SMYD3: variants seen among roughly 807,000 people sequenced by gnomAD.
The protein encoded by SMYD3 is histone-lysine N-methyltransferase SMYD3.
SMYD3 carries 36 observed loss-of-function variants against 57.7 expected under a neutral mutation model. The ratio of observed to expected loss-of-function variants is 0.62; its 90% CI spans 0.48 to 0.82. The LOEUF (loss-of-function observed/expected upper bound fraction) is 0.82. Ranked by LOEUF, SMYD3 falls within the 40% of genes least tolerant of loss-of-function variation. SMYD3 has a pLI of 0.00. For missense variants in SMYD3, 515 were observed against 538.8 expected, an observed-to-expected ratio of 0.96 and a Z score of 0.44; for synonymous variants, 211 against 195.0, an observed-to-expected ratio of 1.08 and a Z score of -0.68.
chr1:246,211,496 TACC>T (rs956752003), intron 5 of SMYD3, among the ~76,000 whole-genome samples: 4 of 152,176 alleles, frequency 2.6e-5, no homozygotes, highest in Non-Finnish European at 5.9e-5. Flanking sequence ...TCTCCACTGA[TACC>T]ACAATATATA....
intron 5 of SMYD3, among the ~76,000 whole-genome samples, chr1:246,084,311 G>A (rs1213247206): frequency 3.3e-5 from 5 of 151,730 alleles, no homozygotes; most frequent in Non-Finnish European, 7.4e-5. Context: ...AACATTCTGG[G>A]CTCAAACGAT....
intron 5 of SMYD3, among the ~76,000 whole-genome samples, chr1:246,313,017 C>T (rs550188441): frequency 6.6e-6 from 1 of 152,174 alleles, no homozygotes; most frequent in South Asian, 2.1e-4. Flanking sequence ...CAGGCTCGAG[C>T]GATCCTCCCA....
chr1:246,417,685 C>T (rs1250717308), intron 1 of SMYD3, among the ~76,000 whole-genome samples: 1 of 152,104 alleles, frequency 6.6e-6, no homozygotes, highest in Non-Finnish European at 1.5e-5. Flanking sequence ...GATGTTATCT[C>T]AAATCTTGTG....
intron 5 of SMYD3, among the ~76,000 whole-genome samples, chr1:245,948,252 A>G (rs2057493642): frequency 6.6e-6 from 1 of 152,212 alleles, no homozygotes; most frequent in Non-Finnish European, 1.5e-5. Context: ...TCGCAACTGG[A>G]AACAGCAGGA....
intron 2 of SMYD3, among the ~76,000 whole-genome samples, chr1:246,351,058 C>T (rs1048328808): frequency 6.6e-6 from 1 of 152,204 alleles, no homozygotes; most frequent in Admixed American, 6.5e-5. Context: ...TATTAAATCA[C>T]TCTGTTAAGT....
At chr1:246,187,003 A>T (rs571536738) in intron 5 of SMYD3, 22 of 889,414 alleles carry the variant, frequency 2.5e-5, no homozygotes, top group Non-Finnish European at 3.0e-5. Context: ...CTACACAAAC[A>T]TACAAAGTAG....
At chr1:246,344,499 A>G (rs2065680124) in intron 2 of SMYD3, among the ~76,000 whole-genome samples, 1 of 152,204 alleles carries the variant, frequency 6.6e-6, no homozygotes, top group African/African-American at 2.4e-5. Flanking sequence ...CTGTGGATGA[A>G]TATTTCACTT....
chr1:246,184,876 T>C (rs1253819087), intron 5 of SMYD3, among the ~76,000 whole-genome samples: 1 of 152,196 alleles, frequency 6.6e-6, no homozygotes, highest in Non-Finnish European at 1.5e-5. Context: ...TTCTGTTTTT[T>C]AAGCCACCCA....
intron 5 of SMYD3, among the ~76,000 whole-genome samples, chr1:246,076,534 A>T (rs2060550366): frequency 6.6e-6 from 1 of 152,228 alleles, no homozygotes; most frequent in Non-Finnish European, 1.5e-5. Flanking sequence ...CTATATAGTC[A>T]ATCAACTAGT....
At chr1:245,952,355 A>C (rs1373990669) in intron 5 of SMYD3, among the ~76,000 whole-genome samples, 1 of 152,228 alleles carries the variant, frequency 6.6e-6, no homozygotes, top group African/African-American at 2.4e-5. Context: ...TGAGTTGATG[A>C]CAAAAAAGTT....
intron 11 of SMYD3, among the ~76,000 whole-genome samples, chr1:245,761,786 CTTTT>C (rs534305833): frequency 1.7e-5 from 2 of 115,716 alleles, no homozygotes; most frequent in Admixed American, 1.8e-4. Context: ...CATATTGAGT[CTTTT>C]TTTTTTTTTT....
At position 246,328,130 on chromosome 1, in the gene SMYD3, G is replaced by A. The variant is rs1308151233; in HGVS notation, c.395-793C>T. 2.6e-5 allele frequency among the ~76,000 whole-genome samples: 4 copies of A among 152,192 alleles called. No homozygotes were observed. The South Asian group carries it at 8.3e-4, about 32-fold the overall frequency. On this transcript the variant is annotated intron_variant, in intron 4 of 11. Coordinates refer to ENST00000490107, the MANE Select transcript of SMYD3 (RefSeq NM_001167740.2). Reference sequence around the variant, plus strand: ...AATCACTTGAACCCAGGAGGTGGCGGTTGCAGTGAGCCAACATCGCGCCAC... The same window carrying A: ...AATCACTTGAACCCAGGAGGTGGCGATTGCAGTGAGCCAACATCGCGCCAC...
At chr1:245,908,529 A>T (rs149890611) in intron 8 of SMYD3, among the ~76,000 whole-genome samples, 2 of 152,238 alleles carry the variant, frequency 1.3e-5, no homozygotes, top group Non-Finnish European at 2.9e-5. Flanking sequence ...TGTAGAATAT[A>T]CTTTCATCTC....
At chr1:246,383,635 A>T (rs1220714016) in intron 1 of SMYD3, among the ~76,000 whole-genome samples, 1 of 152,240 alleles carries the variant, frequency 6.6e-6, no homozygotes, top group East Asian at 1.9e-4. Flanking sequence ...ATGAAATAAA[A>T]GCTGTTATGA....
At chr1:246,156,388 TA>T (rs759639311) in intron 5 of SMYD3, among the ~76,000 whole-genome samples, 55 of 152,204 alleles carry the variant, frequency 3.6e-4, no homozygotes, top group Non-Finnish European at 6.8e-4. Flanking sequence ...ATTTAGATTC[TA>T]AAGAAAGGAA....
chr1:246,300,031 A>G (rs1351850418), intron 5 of SMYD3, among the ~76,000 whole-genome samples: 3 of 152,098 alleles, frequency 2.0e-5, no homozygotes, highest in African/African-American at 7.3e-5. Flanking sequence ...AAAAAAAAAA[A>G]AAGTTAACAA....
intron 5 of SMYD3, among the ~76,000 whole-genome samples, chr1:246,216,908 C>T (rs35114899): frequency 0.18 from 26,931 of 151,952 alleles, 2,770 homozygotes; most frequent in East Asian, 0.34. Flanking sequence ...TGTGTGTGGG[C>T]CTCATCCAGA....
intron 5 of SMYD3, among the ~76,000 whole-genome samples, chr1:246,301,029 T>C (rs562322810): frequency 2.6e-5 from 4 of 152,266 alleles, no homozygotes; most frequent in East Asian, 3.9e-4. Context: ...TTTGTAGAGA[T>C]AGAAGTCGTC....
At position 246,240,654 on chromosome 1, in the gene SMYD3, A is replaced by T. The variant is rs1212095626; in HGVS notation, c.531+86547T>A. ...AAGTCATTGGTAGCTTGATGGCAAT[A>T]GCATTGAATCTACAAATTACCTTGG... On this transcript the variant is annotated intron_variant, in intron 5 of 11. Transcript: ENST00000490107. Among the ~76,000 whole-genome samples the T allele has an allele frequency of 3.3e-5, 5 of 152,306 alleles. No individual in the cohort carries two copies. In the East Asian group the frequency reaches 9.6e-4, roughly 29 times the overall value.
Sources: gnomAD v4.1 joint callset for allele counts (sites outside exome capture counted in the v4.1 genomes callset) on GRCh38, gnomAD v4.1.1 for gene constraint, MANE v1.5 for transcripts, NCBI Gene and HGNC (gene_info 2026-07-23, HGNC 2026-07-21) for gene names.